PCDH11X: variants seen among roughly 807,000 people sequenced by gnomAD.
The protein encoded by PCDH11X is protocadherin-11 X-linked.
PCDH11X carries 18 observed loss-of-function variants against 53.3 expected under a neutral mutation model. The observed-to-expected ratio is 0.34, with a 90% CI of 0.23 to 0.50. The LOEUF (loss-of-function observed/expected upper bound fraction) is 0.50. Ranked by LOEUF, PCDH11X falls within the 20% of genes least tolerant of loss-of-function variation. The pLI is 0.98. For synonymous variants in PCDH11X, 279 were observed against 393.3 expected, an observed-to-expected ratio of 0.71 and a Z score of 3.44; for missense variants, 570 against 1,032.4, an observed-to-expected ratio of 0.55 and a Z score of 6.14.
At chrX:92,356,783 G>C (rs1489979641) in intron 8 of PCDH11X, among the ~76,000 whole-genome samples, 1 of 100,418 alleles carries the variant, frequency 1.0e-5, no homozygotes, top group East Asian at 3.0e-4. Context: ...TGTAATCGTT[G>C]GAGTAGGGTC....
intron 10 of PCDH11X, among the ~76,000 whole-genome samples, chrX:92,520,300 G>A (rs1429189845): frequency 1.9e-5 from 2 of 106,207 alleles, no homozygotes; most frequent in African/African-American, 6.9e-5. Flanking sequence ...AAATGTGCAA[G>A]AGCATTATGT....
chrX:91,806,790 T>C (rs1936121074), intron 1 of PCDH11X, among the ~76,000 whole-genome samples: 1 of 111,863 alleles, frequency 8.9e-6, no homozygotes, highest in Non-Finnish European at 1.9e-5. Context: ...CCTTGTGGTT[T>C]TCCCTTATTG....
chrX:91,947,360 A>G (rs1388441128), intron 6 of PCDH11X, among the ~76,000 whole-genome samples: 1 of 105,819 alleles, frequency 9.5e-6, no homozygotes, highest in Non-Finnish European at 2.0e-5. Flanking sequence ...ATTTCTCTAT[A>G]GTCACATTCA....
chrX:92,213,792 A>G (rs1045218695), intron 7 of PCDH11X, among the ~76,000 whole-genome samples: 29 of 112,474 alleles, frequency 2.6e-4, no homozygotes, highest in African/African-American at 9.0e-4. Context: ...TGCCTTTTAT[A>G]TCTACCAGTT....
chrX:92,251,591 AT>A (rs2067461647), intron 7 of PCDH11X, among the ~76,000 whole-genome samples: 1 of 111,279 alleles, frequency 9.0e-6, no homozygotes, highest in South Asian at 3.7e-4. Context: ...TCTTTTTCCT[AT>A]TTGTAAAATG....
intron 10 of PCDH11X, among the ~76,000 whole-genome samples, chrX:92,594,141 G>T (rs1051563724): frequency 3.2e-5 from 3 of 92,824 alleles, no homozygotes; most frequent in South Asian, 6.0e-4. Flanking sequence ...AGCAAGTAAA[G>T]AATTTTGCTT....
At chrX:92,227,470 C>G (rs747599498) in intron 7 of PCDH11X, among the ~76,000 whole-genome samples, 1 of 111,197 alleles carries the variant, frequency 9.0e-6, no homozygotes, top group Non-Finnish European at 1.9e-5. Context: ...GTTGGGTTTC[C>G]TGGCAAATAT....
intron 7 of PCDH11X, among the ~76,000 whole-genome samples, chrX:92,211,926 C>T (rs774822606): frequency 4.6e-5 from 5 of 108,072 alleles, no homozygotes; most frequent in Admixed American, 4.0e-4. Flanking sequence ...ATAATTGATT[C>T]ATTAAATGTT....
chrX:92,198,100 A>G (rs755240696), intron 6 of PCDH11X, among the ~76,000 whole-genome samples: 1 of 109,594 alleles, frequency 9.1e-6, no homozygotes, highest in African/African-American at 3.3e-5. Flanking sequence ...CCTGAAAACA[A>G]TCACAAAACC....
At chrX:91,845,225 G>A (rs1937608882) in intron 5 of PCDH11X, among the ~76,000 whole-genome samples, 2 of 110,763 alleles carry the variant, frequency 1.8e-5, no homozygotes, top group East Asian at 5.6e-4. Flanking sequence ...TACTTACATT[G>A]TTTGAATACA....
intron 7 of PCDH11X, among the ~76,000 whole-genome samples, chrX:92,218,047 T>C (rs1218748222): frequency 1.4e-4 from 15 of 110,055 alleles, no homozygotes; most frequent in African/African-American, 3.6e-4. Flanking sequence ...GGGACACATT[T>C]AAAGCAGTGT....
In PCDH11X at chrX:92,408,083, C is replaced by G. The variant is rs769281569; in HGVS notation, c.3343+20150C>G. The stretch of plus-strand genomic sequence containing the variant: ...TATTTTTAGTAGAAACGGGGTTTTA[C>G]CATGTTGGCCAAGCTGGTCTCGAAC... On this transcript the variant is annotated intron_variant, in intron 9 of 10. Coordinates refer to ENST00000682573, the MANE Select transcript of PCDH11X (RefSeq NM_032968.5). 3.5e-3 allele frequency among the ~76,000 whole-genome samples: 385 copies of G among 110,544 alleles called. 3 individuals carry two copies. Among genetic ancestry groups the G allele is most frequent in the African/African-American group, 0.012 (367 of 30,348 alleles).
At chrX:92,285,495 C>T (rs185848155) in intron 8 of PCDH11X, among the ~76,000 whole-genome samples, 1,136 of 109,897 alleles carry the variant, frequency 0.01, 16 homozygotes, top group African/African-American at 0.034. Context: ...TCAGGTGATC[C>T]GCCCGCTTCG....
intron 9 of PCDH11X, chrX:92,460,257 G>A (rs1242123746): frequency 3.6e-5 from 31 of 861,710 alleles, no homozygotes; most frequent in Non-Finnish European, 5.1e-5. Context: ...CTTGACTGCA[G>A]CTGGAGACAG....
At chrX:92,591,315 T>C (rs1229525290) in intron 10 of PCDH11X, among the ~76,000 whole-genome samples, 3 of 111,625 alleles carry the variant, frequency 2.7e-5, no homozygotes, top group African/African-American at 9.8e-5. Flanking sequence ...ATCAGTCTTC[T>C]GGCTCCTCTC....
chrX:92,170,518 C>T (rs1335719031), intron 6 of PCDH11X, among the ~76,000 whole-genome samples: 10 of 110,108 alleles, frequency 9.1e-5, no homozygotes, highest in Admixed American at 8.7e-4. Flanking sequence ...AGAAAATTTT[C>T]AAACATACAG....
intron 10 of PCDH11X, among the ~76,000 whole-genome samples, chrX:92,476,924 CAAAAA>C (rs766830064): frequency 1.1e-4 from 2 of 18,455 alleles, no homozygotes; most frequent in South Asian, 4.2e-3. Flanking sequence ...TACTTTCTTC[CAAAAA>C]AAAAAAAAAA....
chrX:92,147,810 C>CCTTTCTTTCTTTTTCTTT (rs1556065508), intron 6 of PCDH11X, among the ~76,000 whole-genome samples: 1 of 70,197 alleles, frequency 1.4e-5, no homozygotes, highest in African/African-American at 5.5e-5. Flanking sequence ...TTTCTTCCTT[C>CCTTTCTTTCTTTTTCTTT]CTTTCTTTCT....
intron 6 of PCDH11X, among the ~76,000 whole-genome samples, chrX:92,085,273 G>T (rs1207874767): frequency 9.1e-6 from 1 of 110,375 alleles, no homozygotes; most frequent in Non-Finnish European, 1.9e-5. Context: ...GTTTCAGTTG[G>T]TTTATATACT....
Sources: gnomAD v4.1 joint callset for allele counts (sites outside exome capture counted in the v4.1 genomes callset) on GRCh38, gnomAD v4.1.1 for gene constraint, MANE v1.5 for transcripts, NCBI Gene and HGNC (gene_info 2026-07-23, HGNC 2026-07-21) for gene names.